Variants in BNC2 observed in about 807,000 individuals in gnomAD.
BNC2 encodes the protein basonuclin zinc finger protein 2.
A neutral mutation model predicts 76.3 loss-of-function variants in BNC2; 20 were observed. The ratio of observed to expected loss-of-function variants is 0.26; its 90% CI spans 0.18 to 0.38. The LOEUF (loss-of-function observed/expected upper bound fraction) is 0.38, where lower values mean the gene tolerates loss of function less well. Ranked by LOEUF, BNC2 falls within the 10% of genes least tolerant of loss-of-function variation. The pLI, the probability that BNC2 is intolerant of heterozygous loss-of-function variation, is 1.00. For synonymous variants in BNC2, 582 were observed against 514.8 expected (o/e 1.13, Z -1.77); for missense variants, 1,382 against 1,399.8 (o/e 0.99, Z 0.20).
At chr9:16,701,503 T>G (rs1823511977) in intron 3 of BNC2, among the ~76,000 whole-genome samples, 1 of 152,220 alleles carries the variant, frequency 6.6e-6, no homozygotes. Flanking sequence ...AAGTTATTAG[T>G]TAACAATTTT....
At chr9:16,837,361 G>A (rs544835195) in intron 1 of BNC2, among the ~76,000 whole-genome samples, 10 of 152,090 alleles carry the variant, frequency 6.6e-5, no homozygotes, top group South Asian at 2.1e-4. Flanking sequence ...AAAATTAGCC[G>A]AGCGTGGTGG....
chr9:16,515,415 T>G (rs558029055), intron 5 of BNC2, among the ~76,000 whole-genome samples: 1 of 152,324 alleles, frequency 6.6e-6, no homozygotes, highest in South Asian at 2.1e-4. Flanking sequence ...CAGCCTGGCA[T>G]TAGCGGAGCT....
chr9:16,728,703 C>CT (rs1282153093), intron 2 of BNC2, among the ~76,000 whole-genome samples: 3 of 151,374 alleles, frequency 2.0e-5, no homozygotes, highest in Admixed American at 6.6e-5. Flanking sequence ...GAGATGTGAC[C>CT]TTATACTCTA....
intron 5 of BNC2, among the ~76,000 whole-genome samples, chr9:16,489,012 A>C (rs994122928): frequency 6.6e-6 from 1 of 152,212 alleles, no homozygotes; most frequent in African/African-American, 2.4e-5. Flanking sequence ...ATTAAAAATT[A>C]AAATATGAAC....
intron 5 of BNC2, among the ~76,000 whole-genome samples, chr9:16,440,421 T>C (rs1348409776): frequency 6.6e-6 from 1 of 152,176 alleles, no homozygotes; most frequent in Non-Finnish European, 1.5e-5. Flanking sequence ...AAATCTACTC[T>C]CTTGAGTGTT....
intron 5 of BNC2, among the ~76,000 whole-genome samples, chr9:16,485,866 T>C (rs939240383): frequency 6.6e-6 from 1 of 151,998 alleles, no homozygotes; most frequent in Admixed American, 6.6e-5. Context: ...CCCTTCTCAA[T>C]CCCCCATTTG....
At chr9:16,503,892 T>C (rs1822572202) in intron 5 of BNC2, among the ~76,000 whole-genome samples, 1 of 152,172 alleles carries the variant, frequency 6.6e-6, no homozygotes, top group Admixed American at 6.5e-5. Flanking sequence ...ATTAAACATA[T>C]TTATGGTGAT....
At chr9:16,870,197 G>A (rs937432350) in intron 1 of BNC2, among the ~76,000 whole-genome samples, 1 of 151,994 alleles carries the variant, frequency 6.6e-6, no homozygotes, top group Non-Finnish European at 1.5e-5. Context: ...CTCACTCGGC[G>A]GCAAGTTGTA....
chr9:16,519,492 T>C (rs72700012), intron 5 of BNC2, among the ~76,000 whole-genome samples: 1 of 152,314 alleles, frequency 6.6e-6, no homozygotes, highest in Non-Finnish European at 1.5e-5. Context: ...GAGTTTCTCA[T>C]TTTGTAGTGG....
At chr9:16,461,907 T>C (rs1927635) in intron 5 of BNC2, among the ~76,000 whole-genome samples, 60,182 of 152,010 alleles carry the variant, frequency 0.4, 12,380 homozygotes, top group East Asian at 0.58. Context: ...CAAATGCTGG[T>C]AGTGTTCTCT....
At chr9:16,809,540 A>T (rs1817995028) in intron 1 of BNC2, among the ~76,000 whole-genome samples, 1 of 152,164 alleles carries the variant, frequency 6.6e-6, no homozygotes, top group Non-Finnish European at 1.5e-5. Flanking sequence ...ACGAGGGTGT[A>T]CCTGCTGAAT....
chr9:16,786,894 G>C (rs1330466874), intron 1 of BNC2, among the ~76,000 whole-genome samples: 1 of 152,138 alleles, frequency 6.6e-6, no homozygotes, highest in African/African-American at 2.4e-5. Context: ...CCACGTGGTT[G>C]GGCAGGTTCT....
chr9:16,516,223 G>C (rs1379680228), intron 5 of BNC2, among the ~76,000 whole-genome samples: 3 of 152,054 alleles, frequency 2.0e-5, no homozygotes, highest in African/African-American at 7.2e-5. Context: ...TTTTCTTTGT[G>C]TTGTTCTTGG....
chr9:16,555,067 T>C (rs113729359), intron 4 of BNC2, among the ~76,000 whole-genome samples: 8,051 of 150,894 alleles, frequency 0.053, 810 homozygotes, highest in African/African-American at 0.19. Flanking sequence ...TCGCCCAGGC[T>C]GGAGGGCAGT....
At chr9:16,551,821 T>C (rs1271090137) in intron 5 of BNC2, among the ~76,000 whole-genome samples, 4 of 152,164 alleles carry the variant, frequency 2.6e-5, no homozygotes, top group African/African-American at 9.6e-5. Context: ...AAGAGAGGGA[T>C]GGGAGATGGG....
At chr9:16,637,082 G>C (rs1328171140) in intron 3 of BNC2, among the ~76,000 whole-genome samples, 1 of 151,550 alleles carries the variant, frequency 6.6e-6, no homozygotes, top group Non-Finnish European at 1.5e-5. Context: ...TATAGAAAGA[G>C]GCAATTTTTT....
chr9:16,659,399 G>A (rs548350344), intron 3 of BNC2, among the ~76,000 whole-genome samples: 111 of 152,056 alleles, frequency 7.3e-4, no homozygotes, highest in Non-Finnish European at 1.2e-4. Flanking sequence ...CAGGAGGTCA[G>A]GAGATTGAGA....
intron 5 of BNC2, among the ~76,000 whole-genome samples, chr9:16,538,397 C>G (rs1818194308): frequency 1.3e-5 from 2 of 152,268 alleles, no homozygotes; most frequent in South Asian, 4.1e-4. Context: ...AAAACATCTA[C>G]ATTTTAATTG....
intron 3 of BNC2, among the ~76,000 whole-genome samples, chr9:16,631,698 G>C (rs1821166400): frequency 6.6e-6 from 1 of 152,100 alleles, no homozygotes; most frequent in Non-Finnish European, 1.5e-5. Flanking sequence ...CAAATATAAG[G>C]AAAAGCATCT....
Sources: gnomAD v4.1 joint callset for allele counts (sites outside exome capture counted in the v4.1 genomes callset) on GRCh38, gnomAD v4.1.1 for gene constraint, MANE v1.5 for transcripts, NCBI Gene and HGNC (gene_info 2026-07-23, HGNC 2026-07-21) for gene names.